The following NELL1 variants were observed in gnomAD, a reference collection of about 807,000 sequenced individuals.
NELL1 encodes protein kinase C-binding protein NELL1.
In NELL1, 76 loss-of-function variants were observed where a neutral mutation model predicts 107.4. The observed-to-expected ratio is 0.71, with a 90% CI of 0.59 to 0.86. The LOEUF is 0.86. Ranked by LOEUF, NELL1 falls within the 40% of genes least tolerant of loss-of-function variation. The probability of loss-of-function intolerance (pLI) is 0.00; values close to 1 mark genes in which losing one functional copy is unlikely to be tolerated. For missense variants in NELL1, 1,024 were observed against 1,005.5 expected (o/e 1.02, Z -0.25); for synonymous variants, 353 against 341.2 (o/e 1.03, Z -0.38).
chr11:21,254,712 C>A lies in NELL1; in HGVS notation c.1549+25258C>A, dbSNP rs182811518. Among the ~76,000 whole-genome samples the A allele has an allele frequency of 6.6e-5, 10 of 152,160 alleles. No individual in the cohort carries two copies. In the East Asian group the frequency reaches 1.9e-3, roughly 30 times the overall value. Reference sequence around the variant, plus strand: ...ACACTGGTGAACATTGATGAAAAGACCAAGCTGAACTGATCTAGTTGGTGA... The same window carrying A: ...ACACTGGTGAACATTGATGAAAAGAACAAGCTGAACTGATCTAGTTGGTGA... On this transcript the variant is annotated intron_variant, in intron 14 of 19. Transcript: ENST00000357134.
intron 12 of NELL1, among the ~76,000 whole-genome samples, chr11:21,028,999 C>G (rs888566339): frequency 2.0e-5 from 3 of 152,104 alleles, no homozygotes; most frequent in Admixed American, 6.6e-5. Flanking sequence ...TTGGAATCAC[C>G]TGAGCCAGTT....
chr11:20,943,948 A>G (rs1017783775), intron 10 of NELL1, among the ~76,000 whole-genome samples: 5 of 152,202 alleles, frequency 3.3e-5, no homozygotes, highest in African/African-American at 1.2e-4. Flanking sequence ...AAGGCCATGG[A>G]AGAGCTTTGG....
chr11:20,755,671 T>C (rs1175090471), intron 2 of NELL1, among the ~76,000 whole-genome samples: 1 of 151,104 alleles, frequency 6.6e-6, no homozygotes, highest in African/African-American at 2.4e-5. Flanking sequence ...TTCTCCTGCC[T>C]CAGCCTCCCG....
chr11:21,229,482 G>A (rs778995667), intron 14 of NELL1, 28 bp downstream of exon 14: 1 of 1,612,634 alleles, frequency 6.2e-7, no homozygotes, highest in Non-Finnish European at 8.5e-7. Flanking sequence ...GTGTTGAGTT[G>A]TGAGCAGCCA....
At chr11:20,756,058 A>G (rs1348102939) in intron 2 of NELL1, among the ~76,000 whole-genome samples, 2 of 148,288 alleles carry the variant, frequency 1.3e-5, no homozygotes, top group African/African-American at 5.0e-5. Flanking sequence ...ACACCCGGCT[A>G]ATTTTTTGTA....
intron 16 of NELL1, among the ~76,000 whole-genome samples, chr11:21,547,077 A>G (rs1856461486): frequency 6.6e-6 from 1 of 151,728 alleles, no homozygotes; most frequent in African/African-American, 2.4e-5. Context: ...GGGAGGTTGT[A>G]TTGTGGACCA....
chr11:20,787,838 A>G (rs886564066), intron 3 of NELL1, among the ~76,000 whole-genome samples: 2 of 152,168 alleles, frequency 1.3e-5, no homozygotes, highest in African/African-American at 4.8e-5. Context: ...GAAATCCCAT[A>G]CCTTTTAGCT....
intron 16 of NELL1, among the ~76,000 whole-genome samples, chr11:21,546,102 T>G (rs1032934132): frequency 2.6e-5 from 4 of 152,004 alleles, no homozygotes; most frequent in African/African-American, 9.7e-5. Flanking sequence ...TTTCCTGGGA[T>G]CTTGGCCACT....
intron 2 of NELL1, among the ~76,000 whole-genome samples, chr11:20,729,564 T>C (rs1855583843): frequency 6.6e-6 from 1 of 152,208 alleles, no homozygotes; most frequent in Admixed American, 6.5e-5. Flanking sequence ...ATTGAGATCA[T>C]ATGATTTTAA....
intron 15 of NELL1, among the ~76,000 whole-genome samples, chr11:21,494,618 A>G (rs563857876): frequency 3.3e-5 from 5 of 151,928 alleles, no homozygotes; most frequent in Admixed American, 3.3e-4. Context: ...AACTTATTCT[A>G]CTCCTAAATG....
At chr11:20,796,500 A>G (rs1857171530) in intron 3 of NELL1, among the ~76,000 whole-genome samples, 1 of 152,126 alleles carries the variant, frequency 6.6e-6, no homozygotes, top group Admixed American at 6.5e-5. Flanking sequence ...TTCAATTATT[A>G]AATTACTTTC....
At chr11:20,799,079 G>T (rs1156727188) in intron 3 of NELL1, among the ~76,000 whole-genome samples, 1 of 135,148 alleles carries the variant, frequency 7.4e-6, no homozygotes, top group Non-Finnish European at 1.7e-5. Context: ...GCTTTATGAA[G>T]ATAGGACGTT....
intron 2 of NELL1, among the ~76,000 whole-genome samples, chr11:20,776,740 G>A (rs948254296): frequency 8.5e-5 from 13 of 152,092 alleles, no homozygotes; most frequent in African/African-American, 3.1e-4. Flanking sequence ...TTAGGCTTGT[G>A]GTGCTAGAAT....
intron 2 of NELL1, among the ~76,000 whole-genome samples, chr11:20,766,888 G>A (rs866205153): frequency 5.3e-5 from 8 of 151,966 alleles, no homozygotes; most frequent in Non-Finnish European, 1.0e-4. Flanking sequence ...GATTACAGGC[G>A]TGCACCACCA....
intron 12 of NELL1, among the ~76,000 whole-genome samples, chr11:21,041,111 C>T (rs956121231): frequency 9.2e-5 from 14 of 152,098 alleles, no homozygotes; most frequent in African/African-American, 3.1e-4. Flanking sequence ...GAGAATGATT[C>T]CTTTGGTCAT....
chr11:21,109,039 G>T lies in NELL1; in HGVS notation c.1301-4550G>T, dbSNP rs558829374. ...GACAACTTTGTGGTCATATTGTTTG[G>T]ATCCAGACCCAGGTTTCTATGCTTA... On this transcript the variant is annotated intron_variant, in intron 12 of 19. Transcript: ENST00000357134. 1.3e-4 allele frequency among the ~76,000 whole-genome samples: 20 copies of T among 152,172 alleles called. No individual in the cohort carries two copies. The East Asian group carries it at 3.9e-3, about 29-fold the overall frequency.
rs184656576 is a variant in NELL1, at chr11:20,871,613, T to C, written c.507-13831T>C. 6.3e-4 allele frequency among the ~76,000 whole-genome samples: 92 copies of C among 145,272 alleles called. No individual in the cohort carries two copies. The East Asian group carries it at 0.01, about 16-fold the overall frequency. ...GTGGGACACTGCAGGAATTTTTCTTTTATTTGTACTACTTTCTCATTTTTT... is the reference window on the plus strand; with the variant it reads ...GTGGGACACTGCAGGAATTTTTCTTCTATTTGTACTACTTTCTCATTTTTT... On this transcript the variant is annotated intron_variant, in intron 4 of 19. Coordinates refer to ENST00000357134, the MANE Select transcript of NELL1 (RefSeq NM_006157.5).
At chr11:20,751,169 T>G (rs1384924976) in intron 2 of NELL1, among the ~76,000 whole-genome samples, 1 of 151,800 alleles carries the variant, frequency 6.6e-6, no homozygotes, top group Non-Finnish European at 1.5e-5. Flanking sequence ...GTAGAAGAAT[T>G]CCAACTTTTT....
intron 13 of NELL1, among the ~76,000 whole-genome samples, chr11:21,137,430 G>GAA (rs1855768115): frequency 1.3e-5 from 2 of 152,198 alleles, no homozygotes; most frequent in African/African-American, 4.8e-5. Flanking sequence ...AAATTCCATT[G>GAA]TATTTGGCAA....
Sources: gnomAD v4.1 joint callset for allele counts (sites outside exome capture counted in the v4.1 genomes callset) on GRCh38, gnomAD v4.1.1 for gene constraint, MANE v1.5 for transcripts, NCBI Gene and HGNC (gene_info 2026-07-23, HGNC 2026-07-21) for gene names.